The following FHL1 variants were observed in gnomAD, a reference collection of about 807,000 sequenced individuals.
The protein encoded by FHL1 is four and a half LIM domains protein 1.
A neutral mutation model predicts 20.3 loss-of-function variants in FHL1; 1 was observed. The observed-to-expected ratio is 0.05, with a 90% CI of 0.02 to 0.23. FHL1 has a LOEUF of 0.23. FHL1 is among the 10% of genes least tolerant of loss of function. The pLI, the probability that FHL1 is intolerant of heterozygous loss-of-function variation, is 1.00. For missense variants in FHL1, 177 were observed against 234.0 expected (o/e 0.76, Z 1.59); for synonymous variants, 82 against 88.9 (o/e 0.92, Z 0.44).
At position 136,210,884 on chromosome X, in the gene FHL1, C is replaced by T. The variant is rs1414604285; in HGVS notation, c.*859C>T. The T allele has an allele frequency of 1.8e-5, 7 of 383,105 alleles. No homozygotes were observed. Among genetic ancestry groups the T allele is most frequent in the Non-Finnish European group, 3.4e-5 (7 of 203,668 alleles). 31.6% of individuals were successfully genotyped at this position (383,105 alleles called of 1,213,427 possible). A position where few individuals can be genotyped will look rare whatever the true frequency, so the allele number is the denominator to read the frequency against. ...GGAAACTTGCATGAAAATATTTTAGCCCCCTCAGATGTTCCTGCAGTGCTG... is the reference window on the plus strand; with the variant it reads ...GGAAACTTGCATGAAAATATTTTAGTCCCCTCAGATGTTCCTGCAGTGCTG... On this transcript the variant is annotated 3_prime_UTR_variant, in exon 6 of 6. Transcript: ENST00000370683.
intron 2 of FHL1, among the ~76,000 whole-genome samples, chrX:136,184,670 G>A (rs5975694): frequency 0.44 from 49,022 of 110,375 alleles, 7,817 homozygotes; most frequent in Non-Finnish European, 0.46. Flanking sequence ...ACTAGATTTT[G>A]TAGTATATGA....
intron 1 of FHL1, among the ~76,000 whole-genome samples, chrX:136,153,205 C>T (rs922423695): frequency 5.7e-5 from 6 of 105,710 alleles, no homozygotes; most frequent in Admixed American, 2.1e-4. Flanking sequence ...TGTTTTGTTT[C>T]GGAGCACAAA....
At chrX:136,180,719 T>C (rs2073131886) in intron 2 of FHL1, among the ~76,000 whole-genome samples, 2 of 112,418 alleles carry the variant, frequency 1.8e-5, no homozygotes, top group African/African-American at 6.4e-5. Context: ...GAACACATAC[T>C]GATTGACTTT....
chrX:136,199,071 C>A (rs1458595760), intron 1 of FHL1, among the ~76,000 whole-genome samples: 6 of 111,824 alleles, frequency 5.4e-5, no homozygotes, highest in Non-Finnish European at 5.6e-5. Context: ...TTCACCACAG[C>A]TGGAGAAACT....
At chrX:136,173,090 A>T (rs2072915949) in intron 2 of FHL1, among the ~76,000 whole-genome samples, 1 of 112,730 alleles carries the variant, frequency 8.9e-6, no homozygotes, top group South Asian at 3.6e-4. Flanking sequence ...TATCATAGAT[A>T]AACTTTATTA....
intron 2 of FHL1, among the ~76,000 whole-genome samples, chrX:136,183,088 CTG>C (rs1491518751): frequency 4.1e-5 from 4 of 96,665 alleles, no homozygotes; most frequent in Admixed American, 1.2e-4. Context: ...CAGAGCGAGA[CTG>C]TCTCAAAAAA....
chrX:136,197,054 T>C lies in FHL1; in HGVS notation c.-59T>C. On this transcript the variant is annotated 5_prime_UTR_variant, in exon 1 of 6. Transcript: ENST00000370683. ...TGTTCACAAATGAGCCACAGCCTTA[T>C]CAGCTGGGGTTGAGGGAAGACTGGT... is the stretch of plus-strand genomic sequence containing the variant. 8.6e-7 allele frequency: 1 copy of C among 1,167,131 alleles called. No individual in the cohort carries two copies. Among genetic ancestry groups the C allele is most frequent in the Non-Finnish European group, 1.2e-6 (1 of 859,041 alleles).
upstream of FHL1, among the ~76,000 whole-genome samples, chrX:136,195,720 T>C (rs1283488986): frequency 8.9e-6 from 1 of 111,922 alleles, no homozygotes; most frequent in Non-Finnish European, 1.9e-5. Context: ...TCATGGAGCA[T>C]TTACTGCTCA....
At chrX:136,187,548 A>G (rs1355676142) in intron 2 of FHL1, among the ~76,000 whole-genome samples, 2 of 112,349 alleles carry the variant, frequency 1.8e-5, no homozygotes, top group Non-Finnish European at 3.8e-5. Context: ...GAAATCTGCC[A>G]CAAAAAGCTG....
intron 2 of FHL1, among the ~76,000 whole-genome samples, chrX:136,179,805 A>T (rs756185953): frequency 3.6e-5 from 4 of 111,549 alleles, no homozygotes; most frequent in Non-Finnish European, 7.5e-5. Context: ...GTAGCATGAC[A>T]TTATTTCTTC....
At chrX:136,183,133 A>C (rs961961723) in intron 2 of FHL1, among the ~76,000 whole-genome samples, 1 of 110,520 alleles carries the variant, frequency 9.0e-6, no homozygotes, top group African/African-American at 3.3e-5. Flanking sequence ...ACAAAAAAAA[A>C]ACAGAAAATA....
chrX:136,166,918 C>T (rs2072726539), upstream of FHL1: 1 of 112,223 alleles, frequency 8.9e-6, no homozygotes, highest in African/African-American at 3.2e-5. Flanking sequence ...CATGGACGTA[C>T]CTCCTTACCT....
chrX:136,154,789 C>T (rs2072366361), intron 1 of FHL1, among the ~76,000 whole-genome samples: 1 of 109,951 alleles, frequency 9.1e-6, no homozygotes, highest in Non-Finnish European at 1.9e-5. Flanking sequence ...TCACTGCAAC[C>T]TCCGCCTCCT....
chrX:136,206,682 C>G (rs2148372297), intron 2 of FHL1, 94 bp downstream of exon 2: 13 of 1,084,506 alleles, frequency 1.2e-5, no homozygotes, highest in Non-Finnish European at 1.7e-5. Flanking sequence ...GTTAGGATTT[C>G]CCAGCATCAC....
At chrX:136,186,871 T>A (rs868715396) in intron 2 of FHL1, among the ~76,000 whole-genome samples, 1,175 of 58,835 alleles carry the variant, frequency 0.02, 35 homozygotes, top group South Asian at 0.047. Context: ...AAAAAATATA[T>A]ATATATATAT....
rs181893430 is a variant in FHL1 at position 136,183,800 on chromosome X, A to G, written c.-27+13820A>G. Among the ~76,000 whole-genome samples, 434 of 111,623 alleles carry G rather than the reference A, an allele frequency of 3.9e-3. 1 individual carries two copies. Among genetic ancestry groups the G allele is most frequent in the Non-Finnish European group, 5.6e-3 (297 of 53,056 alleles). On this transcript the variant is annotated intron_variant, in intron 2 of 6. Coordinates refer to the FHL1 transcript ENST00000394153. ...AGTTTTTTAGATTTATGCTTAGGAC[A>G]GGTGATAGTACTTGAGCTTCTATTC... is the stretch of plus-strand genomic sequence containing the variant.
rs1257992482 is a variant in FHL1 at position 136,211,131 on chromosome X, A to G, written c.*1106A>G. On this transcript the variant is annotated 3_prime_UTR_variant, in exon 6 of 6. Transcript: ENST00000370683. Reference sequence around the variant, plus strand: ...CAAGAGGAAATCTGGATTTCCACCTACCGCTTACCTGAAATGCAGGATCAC... The same window carrying G: ...CAAGAGGAAATCTGGATTTCCACCTGCCGCTTACCTGAAATGCAGGATCAC... 2.7e-6 allele frequency: 1 copy of G among 372,571 alleles called. No individual in the cohort carries two copies. Among genetic ancestry groups the G allele is most frequent in the African/African-American group, 2.5e-5 (1 of 39,852 alleles). The allele number at this position is 372,571 out of a possible 1,213,427, so 30.7% of individuals were successfully genotyped here.
intron 2 of FHL1, among the ~76,000 whole-genome samples, chrX:136,180,523 C>T (rs1390041504): frequency 1.8e-5 from 2 of 111,829 alleles, no homozygotes; most frequent in East Asian, 5.6e-4. Context: ...TGCAAATAGT[C>T]CTTCCAGTCT....
intron 2 of FHL1, among the ~76,000 whole-genome samples, chrX:136,170,829 C>G (rs978098009): frequency 9.0e-6 from 1 of 111,097 alleles, no homozygotes; most frequent in Non-Finnish European, 1.9e-5. Context: ...AAGGTTGCTG[C>G]GTTTTTGCCT....
Sources: allele counts gnomAD v4.1 joint callset (sites outside exome capture counted in the v4.1 genomes callset), GRCh38; gene constraint gnomAD v4.1.1; transcripts MANE v1.5; gene names NCBI Gene and HGNC (gene_info 2026-07-23, HGNC 2026-07-21).